LPCAT2: variants seen among roughly 807,000 people sequenced by gnomAD.
LPCAT2 encodes the protein lysophosphatidylcholine acyltransferase 2.
A neutral mutation model predicts 64.7 loss-of-function variants in LPCAT2; 58 were observed. That is an observed-to-expected ratio of 0.90 (90% CI 0.73 to 1.12). The LOEUF (loss-of-function observed/expected upper bound fraction) is 1.12, where lower values mean the gene tolerates loss of function less well. LPCAT2 is among the 50% of genes most tolerant of loss of function. The pLI is 0.00. For missense variants in LPCAT2, 579 were observed against 669.8 expected (o/e 0.86, Z 1.50); for synonymous variants, 252 against 245.3 (o/e 1.03, Z -0.26).
chr16:55,556,500 G>A (rs981688118), intron 11 of LPCAT2, among the ~76,000 whole-genome samples: 20 of 152,132 alleles, frequency 1.3e-4, no homozygotes, highest in African/African-American at 1.9e-4. Context: ...CACCAGGGCC[G>A]GGCGCGGTGG....
intron 11 of LPCAT2, among the ~76,000 whole-genome samples, chr16:55,565,389 A>G (rs1422344424): frequency 6.6e-6 from 1 of 152,060 alleles, no homozygotes; most frequent in Non-Finnish European, 1.5e-5. Flanking sequence ...GCAAAGACTC[A>G]AACAAATATT....
At chr16:55,514,672 G>A (rs1486196786) in intron 1 of LPCAT2, among the ~76,000 whole-genome samples, 2 of 152,144 alleles carry the variant, frequency 1.3e-5, no homozygotes, top group Non-Finnish European at 2.9e-5. Flanking sequence ...ATTGCAAGGT[G>A]TGTAAAGAAA....
At chr16:55,515,661 T>A (rs1963000419) in intron 1 of LPCAT2, among the ~76,000 whole-genome samples, 1 of 152,230 alleles carries the variant, frequency 6.6e-6, no homozygotes, top group Non-Finnish European at 1.5e-5. Context: ...TAATTATAAA[T>A]CTGTGTTGAT....
chr16:55,575,362 C>T (rs1963815969), intron 12 of LPCAT2, among the ~76,000 whole-genome samples: 1 of 152,140 alleles, frequency 6.6e-6, no homozygotes, highest in Non-Finnish European at 1.5e-5. Context: ...AAGTGCAAAA[C>T]AAGAGGGAAG....
At chr16:55,581,488 G>C (rs1963885931) in intron 13 of LPCAT2, among the ~76,000 whole-genome samples, 1 of 151,994 alleles carries the variant, frequency 6.6e-6, no homozygotes, top group Non-Finnish European at 1.5e-5. Flanking sequence ...TTGTTTATTT[G>C]TTTTTTTGAG....
chr16:55,567,401 C>T (rs1963716223), intron 11 of LPCAT2: 1 of 1,613,806 alleles, frequency 6.2e-7, no homozygotes, highest in East Asian at 2.2e-5. Context: ...GCTTGGTCCG[C>T]CTGGATGCCA....
intron 11 of LPCAT2, among the ~76,000 whole-genome samples, chr16:55,561,240 C>A (rs1963632404): frequency 6.6e-6 from 1 of 151,842 alleles, no homozygotes; most frequent in Admixed American, 6.6e-5. Context: ...AGGTTGTTTC[C>A]ATTTTTGGAC....
In LPCAT2 at chr16:55,509,138, G is replaced by A; in HGVS notation, c.-44G>A. ...TCTTCGGCTCAGTTTTGGCTGCAGCGCCCGCGTAGATCGCTTCGGCCGGGT... is the reference window on the plus strand; with the variant it reads ...TCTTCGGCTCAGTTTTGGCTGCAGCACCCGCGTAGATCGCTTCGGCCGGGT... On this transcript the variant is annotated 5_prime_UTR_variant, in exon 1 of 14. Coordinates refer to ENST00000262134, the MANE Select transcript of LPCAT2 (RefSeq NM_017839.5). 7.7e-7 allele frequency: 1 copy of A among 1,299,078 alleles called. No homozygotes were observed. 80.5% of individuals were successfully genotyped at this position (1,299,078 alleles called of 1,614,324 possible).
At chr16:55,520,353 G>A (rs1028512045) in intron 1 of LPCAT2, among the ~76,000 whole-genome samples, 6 of 151,970 alleles carry the variant, frequency 3.9e-5, no homozygotes, top group Admixed American at 1.3e-4. Context: ...GTTTATGTAC[G>A]TAATATCAGA....
intron 1 of LPCAT2, among the ~76,000 whole-genome samples, chr16:55,519,341 A>AC (rs1963059697): frequency 6.6e-6 from 1 of 151,478 alleles, no homozygotes; most frequent in Non-Finnish European, 1.5e-5. Context: ...TCTACTAAAA[A>AC]AAAAAAAAAT....
At chr16:55,526,117 A>C (rs1963167300) in intron 2 of LPCAT2, 3 of 151,316 alleles carry the variant, frequency 2.0e-5, no homozygotes, top group East Asian at 3.9e-4. Context: ...TTACTTTAGT[A>C]GTAATTTCTA....
At chr16:55,544,929 T>C (rs1963436970) in intron 8 of LPCAT2, among the ~76,000 whole-genome samples, 1 of 152,212 alleles carries the variant, frequency 6.6e-6, no homozygotes, top group Non-Finnish European at 1.5e-5. Context: ...ATAAGGGTAA[T>C]GACACTTAGC....
intron 12 of LPCAT2, among the ~76,000 whole-genome samples, chr16:55,576,706 T>C (rs1303997029): frequency 6.6e-6 from 1 of 152,112 alleles, no homozygotes; most frequent in Non-Finnish European, 1.5e-5. Context: ...TTCTGTGCAA[T>C]GGGGAGATAT....
intron 12 of LPCAT2, among the ~76,000 whole-genome samples, chr16:55,578,169 C>T (rs1963848972): frequency 6.6e-6 from 1 of 152,172 alleles, no homozygotes; most frequent in Non-Finnish European, 1.5e-5. Flanking sequence ...TCAGCTGTTG[C>T]TGTTCCCAGG....
At chr16:55,559,768 G>GA (rs1283846466) in intron 11 of LPCAT2, among the ~76,000 whole-genome samples, 20,559 of 102,038 alleles carry the variant, frequency 0.2, 1,768 homozygotes, top group Middle Eastern at 0.31. Context: ...GATACAATTT[G>GA]AAAAAAAAAA....
chr16:55,585,434 A>T lies in LPCAT2; in HGVS notation c.*2336A>T, dbSNP rs780227173. 1.3e-5 allele frequency: 2 copies of T among 152,062 alleles called. No individual in the cohort carries two copies. Among genetic ancestry groups the T allele is most frequent in the Non-Finnish European group, 2.9e-5 (2 of 68,012 alleles). 9.4% of individuals were successfully genotyped at this position (152,062 alleles called of 1,614,324 possible). The stretch of plus-strand genomic sequence containing the variant: ...ATCATCAATATTATTGCAGACCAGG[A>T]CTCTGCTTATATGCCTTGCTAACAA... On this transcript the variant is annotated 3_prime_UTR_variant, in exon 14 of 14. Coordinates refer to ENST00000262134, the MANE Select transcript of LPCAT2 (RefSeq NM_017839.5).
intron 8 of LPCAT2, 27 bp from the exon 9 acceptor site, chr16:55,545,708 T>A (rs748064662): frequency 5.7e-5 from 82 of 1,435,392 alleles, no homozygotes; most frequent in Non-Finnish European, 8.0e-5. Flanking sequence ...TAAGACATTG[T>A]TATGGAAAGG....
At chr16:55,566,782 A>T in intron 11 of LPCAT2, 1 of 1,613,404 alleles carries the variant, frequency 6.2e-7, no homozygotes, top group South Asian at 1.1e-5. Context: ...GCTCTATTGG[A>T]AGGAGCAGAT....
intron 11 of LPCAT2, among the ~76,000 whole-genome samples, chr16:55,560,074 C>T (rs1963619198): frequency 6.6e-6 from 1 of 152,040 alleles, no homozygotes; most frequent in Non-Finnish European, 1.5e-5. Context: ...ACTTTTTAAA[C>T]TAGAGCAAGG....
Sources: gnomAD v4.1 joint callset for allele counts (sites outside exome capture counted in the v4.1 genomes callset) on GRCh38, gnomAD v4.1.1 for gene constraint, MANE v1.5 for transcripts, NCBI Gene and HGNC (gene_info 2026-07-23, HGNC 2026-07-21) for gene names.